GLI3: variants seen among roughly 807,000 people sequenced by gnomAD.
The protein encoded by GLI3 is GLI family zinc finger 3.
In GLI3, 20 loss-of-function variants were observed where a neutral mutation model predicts 100.8. The ratio of observed to expected loss-of-function variants is 0.20; its 90% CI spans 0.14 to 0.29. The LOEUF (loss-of-function observed/expected upper bound fraction) is 0.29, where lower values mean the gene tolerates loss of function less well. Among genes scored for constraint, GLI3 ranks in the 10% least tolerant of loss-of-function variants. The probability of loss-of-function intolerance (pLI) is 1.00; values close to 1 mark genes in which losing one functional copy is unlikely to be tolerated. For missense variants in GLI3, 2,040 were observed against 2,128.5 expected (o/e 0.96, Z 0.82); for synonymous variants, 938 against 860.5 (o/e 1.09, Z -1.58).
chr7:42,072,599 A>G (rs1258880746), intron 4 of GLI3, among the ~76,000 whole-genome samples: 1 of 152,218 alleles, frequency 6.6e-6, no homozygotes, highest in Non-Finnish European at 1.5e-5. Context: ...AATTGCCTAC[A>G]TTCCCAAGTG....
chr7:42,110,600 C>A (rs1583565723), intron 3 of GLI3, among the ~76,000 whole-genome samples: 1 of 152,174 alleles, frequency 6.6e-6, no homozygotes, highest in Admixed American at 6.5e-5. Flanking sequence ...ATGCCCTGCA[C>A]AGCATCTACA....
intron 7 of GLI3, among the ~76,000 whole-genome samples, chr7:42,034,968 GC>G (rs1252276460): frequency 6.6e-6 from 1 of 152,066 alleles, no homozygotes; most frequent in Non-Finnish European, 1.5e-5. Context: ...ACAGAGTTAA[GC>G]TCAGCTAAAT....
At chr7:42,215,866 A>G (rs183345866) in intron 2 of GLI3, among the ~76,000 whole-genome samples, 4 of 130,008 alleles carry the variant, frequency 3.1e-5, no homozygotes, top group East Asian at 6.7e-4. Context: ...CTATTAGCCA[A>G]TCCTTCAATC....
rs761099870 is a variant in GLI3, at chr7:41,964,497, T to C, written c.4576A>G (p.Ser1526Gly). 9 of 1,614,062 alleles carry C rather than the reference T, an allele frequency of 5.6e-6. No individual in the cohort carries two copies. Among genetic ancestry groups the C allele is most frequent in the Non-Finnish European group, 7.6e-6 (9 of 1,180,006 alleles). The part of the protein sequence containing the change: ...SSLMSGALSP[S>G]IIQNLSHSSS... ...CTATGGGAAAGGTTCTGAATGATAC[T>C]TGGGCTCAGGGCCCCCGACATCAGG... Residue 1526 changes from serine to glycine, a missense_variant, in exon 15 of 15, where the codon AGT becomes GGT. Physicochemically the swap from Ser to Gly is moderately conservative, Grantham distance 56. Coordinates refer to ENST00000395925, the MANE Select transcript of GLI3 (RefSeq NM_000168.6).
chr7:41,969,500 G>A (rs539264917), intron 13 of GLI3, among the ~76,000 whole-genome samples: 7 of 152,206 alleles, frequency 4.6e-5, no homozygotes, highest in South Asian at 2.1e-4. Context: ...ACTTTGTCCC[G>A]GGCAACCAAG....
chr7:42,019,451 G>A (rs538943526), intron 10 of GLI3, among the ~76,000 whole-genome samples: 1 of 152,288 alleles, frequency 6.6e-6, no homozygotes, highest in Admixed American at 6.5e-5. Context: ...TCTCCGTGTA[G>A]ACAGAAAGCA....
intron 1 of GLI3, among the ~76,000 whole-genome samples, chr7:42,226,446 C>T (rs1788583676): frequency 6.6e-6 from 1 of 152,164 alleles, no homozygotes; most frequent in Non-Finnish European, 1.5e-5. Context: ...TCCCAATGCT[C>T]ATCACCATAG....
At chr7:42,218,519 A>G (rs780100820) in intron 2 of GLI3, among the ~76,000 whole-genome samples, 3 of 151,754 alleles carry the variant, frequency 2.0e-5, no homozygotes, top group Non-Finnish European at 2.9e-5. Context: ...ACAATTTAAA[A>G]GCAAATTGCA....
At chr7:42,184,277 G>T (rs1328704410) in intron 2 of GLI3, among the ~76,000 whole-genome samples, 1 of 152,214 alleles carries the variant, frequency 6.6e-6, no homozygotes. Flanking sequence ...ACCATGCCTA[G>T]GTCTGCCCCA....
intron 2 of GLI3, chr7:42,222,791 G>C: frequency 3.0e-6 from 1 of 334,284 alleles, no homozygotes; most frequent in East Asian, 7.4e-5. Context: ...ATTCCGAGTA[G>C]TGTAGATGAT....
chr7:42,136,129 C>T (rs917356733), intron 3 of GLI3, among the ~76,000 whole-genome samples: 1 of 152,146 alleles, frequency 6.6e-6, no homozygotes, highest in South Asian at 2.1e-4. Flanking sequence ...TGTGAAAGCT[C>T]CAGTTATTAT....
At chr7:42,143,337 A>T (rs1786618200) in intron 3 of GLI3, among the ~76,000 whole-genome samples, 1 of 152,276 alleles carries the variant, frequency 6.6e-6, no homozygotes, top group African/African-American at 2.4e-5. Context: ...CTAAGAGCTC[A>T]GGGAACTGTC....
Position 41,963,526 on chromosome 7 carries a change from T to C in GLI3, c.*804A>G, listed in dbSNP as rs1330480659. ...GTCCGTCCCTTCTCTCTAACTGCAGTGCGAAACAGCACTGAATGTTCATGA... is the reference window on the plus strand; with the variant it reads ...GTCCGTCCCTTCTCTCTAACTGCAGCGCGAAACAGCACTGAATGTTCATGA... On this transcript the variant is annotated 3_prime_UTR_variant, in exon 15 of 15. Transcript: ENST00000395925. 1 of 152,158 alleles carries C rather than the reference T, an allele frequency of 6.6e-6. No homozygotes were observed. Among genetic ancestry groups the C allele is most frequent in the Non-Finnish European group, 1.5e-5 (1 of 68,046 alleles). The allele number at this position is 152,158 out of a possible 1,614,324, so 9.4% of individuals were successfully genotyped here.
At chr7:42,040,877 G>C (rs540948850) in intron 6 of GLI3, among the ~76,000 whole-genome samples, 1 of 152,202 alleles carries the variant, frequency 6.6e-6, no homozygotes, top group African/African-American at 2.4e-5. Flanking sequence ...CTGGTTTTCG[G>C]GACTCAGCAG....
intron 2 of GLI3, among the ~76,000 whole-genome samples, chr7:42,171,990 G>A (rs1325347069): frequency 6.6e-6 from 1 of 152,052 alleles, no homozygotes; most frequent in Non-Finnish European, 1.5e-5. Flanking sequence ...GGGGGTGGGG[G>A]TGTCTATAGG....
At chr7:42,165,787 T>C (rs1787228534) in intron 2 of GLI3, among the ~76,000 whole-genome samples, 2 of 152,142 alleles carry the variant, frequency 1.3e-5, no homozygotes, top group African/African-American at 2.4e-5. Flanking sequence ...ATACTAATAT[T>C]CTAAATAATT....
At chr7:42,037,618 A>G (rs755705830) in intron 7 of GLI3, among the ~76,000 whole-genome samples, 2 of 152,212 alleles carry the variant, frequency 1.3e-5, no homozygotes, top group Admixed American at 6.5e-5. Context: ...TTGCACTGAG[A>G]GAGAAAAGAT....
intron 3 of GLI3, among the ~76,000 whole-genome samples, chr7:42,094,700 C>G (rs1785299751): frequency 6.6e-6 from 1 of 151,500 alleles, no homozygotes; most frequent in Admixed American, 6.6e-5. Context: ...AGCCACTGCA[C>G]TCCAGCCTGG....
chr7:42,175,689 CTT>C (rs10547306), intron 2 of GLI3, among the ~76,000 whole-genome samples: 38,127 of 151,462 alleles, frequency 0.25, 5,149 homozygotes, highest in South Asian at 0.34. Flanking sequence ...TTTAAACAAA[CTT>C]ATATAAAAAG....
Sources: gnomAD v4.1 joint callset for allele counts (sites outside exome capture counted in the v4.1 genomes callset) on GRCh38, gnomAD v4.1.1 for gene constraint, MANE v1.5 for transcripts, NCBI Gene and HGNC (gene_info 2026-07-23, HGNC 2026-07-21) for gene names.